TIAM2: variants seen among roughly 807,000 people sequenced by gnomAD.
TIAM2 encodes TIAM Rac1 associated GEF 2.
TIAM2 carries 80 observed loss-of-function variants against 152.9 expected under a neutral mutation model. That is an observed-to-expected ratio of 0.52 (90% CI 0.44 to 0.63). TIAM2 has a LOEUF of 0.63. Ranked by LOEUF, TIAM2 falls within the 30% of genes least tolerant of loss-of-function variation. TIAM2 has a pLI of 0.00. For synonymous variants in TIAM2, 804 were observed against 838.0 expected, an observed-to-expected ratio of 0.96 and a Z score of 0.70; for missense variants, 1,965 against 2,120.1, an observed-to-expected ratio of 0.93 and a Z score of 1.44.
chr6:155,019,564 C>T (rs1288371292), intron 1 of TIAM2, among the ~76,000 whole-genome samples: 1 of 152,126 alleles, frequency 6.6e-6, no homozygotes, highest in Non-Finnish European at 1.5e-5. Context: ...TTTGGAAATT[C>T]CAGTGGGACT....
chr6:155,115,579 G>A (rs1323603931), intron 2 of TIAM2, among the ~76,000 whole-genome samples: 3 of 152,120 alleles, frequency 2.0e-5, no homozygotes, highest in African/African-American at 7.2e-5. Context: ...CTTGAGCCCT[G>A]GCATTTGAGG....
chr6:155,065,841 A>C (rs1376862134), intron 1 of TIAM2, among the ~76,000 whole-genome samples: 1 of 152,168 alleles, frequency 6.6e-6, no homozygotes, highest in Non-Finnish European at 1.5e-5. Flanking sequence ...CCTTTTCAGC[A>C]TGGTGTCCCT....
intron 1 of TIAM2, among the ~76,000 whole-genome samples, chr6:155,011,708 A>G (rs1022211030): frequency 6.6e-6 from 1 of 152,212 alleles, no homozygotes; most frequent in African/African-American, 2.4e-5. Flanking sequence ...AGCTATTTTG[A>G]TATTTGGCCA....
chr6:155,208,942 C>T (rs1403703371), intron 14 of TIAM2, among the ~76,000 whole-genome samples: 2 of 152,052 alleles, frequency 1.3e-5, no homozygotes, highest in Non-Finnish European at 2.9e-5. Flanking sequence ...GGCCTTTACT[C>T]AGGACACTTC....
intron 2 of TIAM2, among the ~76,000 whole-genome samples, chr6:155,108,650 G>T (rs1227257571): frequency 6.6e-6 from 1 of 152,106 alleles, no homozygotes; most frequent in African/African-American, 2.4e-5. Flanking sequence ...AAGGATGCCT[G>T]GAAGTGCGAG....
intron 10 of TIAM2, 120 bp downstream of exon 10, chr6:155,177,097 T>C: frequency 2.2e-6 from 2 of 896,928 alleles, no homozygotes; most frequent in South Asian, 1.9e-5. Flanking sequence ...GGGAACATAT[T>C]AGCATATTTA....
At chr6:155,040,679 C>T (rs1286540123) in intron 1 of TIAM2, among the ~76,000 whole-genome samples, 2 of 151,980 alleles carry the variant, frequency 1.3e-5, no homozygotes, top group Non-Finnish European at 2.9e-5. Context: ...CTACCACACC[C>T]GGCTAATTTT....
Position 155,073,214 on chromosome 6 carries a change from G to A in TIAM2, c.-208-17075G>A, listed in dbSNP as rs527998489. ...GTCTCGCTCTGCTGCCCAGACTGGA[G>A]TGCAGTGGCACAATCTCGGCTCACT... On this transcript the variant is annotated intron_variant, in intron 1 of 26. Transcript: ENST00000682666. 4.8e-4 allele frequency among the ~76,000 whole-genome samples: 69 copies of A among 143,398 alleles called. No individual in the cohort carries two copies. In the South Asian group the frequency reaches 0.014, roughly 29 times the overall value. The allele number at this position is 143,398 out of a possible 152,430, so 94.1% of individuals were successfully genotyped here.
chr6:155,056,675 T>C (rs1430460203), intron 1 of TIAM2, among the ~76,000 whole-genome samples: 1 of 152,148 alleles, frequency 6.6e-6, no homozygotes, highest in Admixed American at 6.6e-5. Context: ...TACAGAATTC[T>C]TGCAAAAAAT....
At chr6:155,226,792 C>T (rs1782263970) in intron 15 of TIAM2, among the ~76,000 whole-genome samples, 1 of 152,330 alleles carries the variant, frequency 6.6e-6, no homozygotes, top group African/African-American at 2.4e-5. Context: ...CCCTTTCATT[C>T]CCCCAAGTCA....
rs1779581060 is a variant in TIAM2, at chr6:155,137,424, A to G, written c.1442A>G (p.Glu481Gly). Residue 481 changes from glutamate (E) to glycine (G), a missense_variant, in exon 5 of 27, where the codon GAA (glutamate) becomes GGA (glycine). This residue lies in a region of TIAM2 where 1,025 missense variants were observed against 1,119.4 expected (regional missense o/e 0.92). Coordinates refer to ENST00000682666, the MANE Select transcript of TIAM2 (RefSeq NM_012454.4). ...TNTENIETSTETAESSSESLS... is the reference protein window; with the variant it reads ...TNTENIETSTGTAESSSESLS... Reference sequence around the variant, plus strand: ...ACTGAGAACATAGAAACATCTACAGAAACCGCCGAGTCCAGCAGCGAGTCA... The same window carrying G: ...ACTGAGAACATAGAAACATCTACAGGAACCGCCGAGTCCAGCAGCGAGTCA... 1 of 1,614,232 alleles carries G rather than the reference A, an allele frequency of 6.2e-7. No homozygotes were observed.
At chr6:155,231,212 T>C (rs182581472) in intron 15 of TIAM2, among the ~76,000 whole-genome samples, 2 of 152,226 alleles carry the variant, frequency 1.3e-5, no homozygotes, top group African/African-American at 2.4e-5. Flanking sequence ...CTGGCATCAC[T>C]GGCAGCTGCT....
At chr6:155,076,992 G>A (rs941460881) in intron 1 of TIAM2, among the ~76,000 whole-genome samples, 6 of 152,066 alleles carry the variant, frequency 3.9e-5, no homozygotes, top group South Asian at 4.2e-4. Flanking sequence ...CATAGCACCC[G>A]GTCGAAATTC....
chr6:155,245,794 G>A, intron 19 of TIAM2, 63 bp downstream of exon 19: 1 of 1,107,116 alleles, frequency 9.0e-7, no homozygotes. Context: ...TTAGTAAAGG[G>A]TAAATCTGTA....
chr6:155,068,766 G>A (rs1013036248), intron 1 of TIAM2, among the ~76,000 whole-genome samples: 4 of 152,098 alleles, frequency 2.6e-5, no homozygotes, highest in Non-Finnish European at 4.4e-5. Flanking sequence ...TTCGTGCTGC[G>A]ATTGTTTATT....
At chr6:155,009,329 T>C (rs1383686659) in intron 1 of TIAM2, among the ~76,000 whole-genome samples, 2 of 151,980 alleles carry the variant, frequency 1.3e-5, no homozygotes, top group African/African-American at 4.8e-5. Flanking sequence ...CTTGAACTCC[T>C]GAACTCAGGT....
chr6:155,086,049 C>T (rs537014531), intron 1 of TIAM2, among the ~76,000 whole-genome samples: 28 of 152,310 alleles, frequency 1.8e-4, no homozygotes, highest in African/African-American at 4.6e-4. Flanking sequence ...TCCCTGGCAG[C>T]GAAGCCCAGT....
chr6:155,104,553 C>A lies in TIAM2; in HGVS notation c.-118+14174C>A, dbSNP rs143117724. 3.7e-4 allele frequency among the ~76,000 whole-genome samples: 57 copies of A among 152,090 alleles called. No individual in the cohort carries two copies. In the East Asian group the frequency reaches 5.0e-3, roughly 13 times the overall value. ...TGGGCAGATCATGAGGTCAGGAGAT[C>A]GAGACCATCCTGGCTAACACAGTGA... On this transcript the variant is annotated intron_variant, in intron 2 of 26. Coordinates refer to ENST00000682666, the MANE Select transcript of TIAM2 (RefSeq NM_012454.4).
chr6:155,166,697 T>C (rs959753887), intron 9 of TIAM2, among the ~76,000 whole-genome samples: 6 of 152,214 alleles, frequency 3.9e-5, no homozygotes, highest in Non-Finnish European at 8.8e-5. Flanking sequence ...CGTAAATTGT[T>C]TTCAAAACAT....
Sources: gnomAD v4.1 joint callset for allele counts (sites outside exome capture counted in the v4.1 genomes callset) on GRCh38, gnomAD v4.1.1 for gene constraint, gnomAD v4.1.1 regional missense constraint, MANE v1.5 for transcripts, NCBI Gene and HGNC (gene_info 2026-07-23, HGNC 2026-07-21) for gene names.